Variants in CRPPA observed in about 807,000 individuals in gnomAD.
CRPPA encodes the protein CDP-L-ribitol pyrophosphorylase A, also known as D-ribitol-5-phosphate cytidylyltransferase.
In CRPPA, 43 loss-of-function variants were observed where a neutral mutation model predicts 52.0. The observed-to-expected ratio is 0.83, with a 90% CI of 0.65 to 1.07. CRPPA has a LOEUF of 1.07. Among genes scored for constraint, CRPPA ranks in the 50% least tolerant of loss-of-function variants. CRPPA has a pLI of 0.00. For synonymous variants in CRPPA, 250 were observed against 203.5 expected, an observed-to-expected ratio of 1.23 and a Z score of -1.94; for missense variants, 629 against 551.7, an observed-to-expected ratio of 1.14 and a Z score of -1.40.
chr7:16,106,509 C>A (rs953467539), intron 9 of CRPPA, among the ~76,000 whole-genome samples: 2 of 152,160 alleles, frequency 1.3e-5, no homozygotes, highest in Non-Finnish European at 2.9e-5. Flanking sequence ...CAACCAGTAG[C>A]CCCACCTGAC....
chr7:16,383,180 T>C (rs963416355), intron 2 of CRPPA, among the ~76,000 whole-genome samples: 2 of 152,326 alleles, frequency 1.3e-5, no homozygotes, highest in East Asian at 3.9e-4. Context: ...GGTGTGGATG[T>C]CCTTTCTGTT....
rs375893906 is a variant in CRPPA, at chr7:16,145,475, A to T, written c.1252-53676T>A. 9.2e-5 allele frequency among the ~76,000 whole-genome samples: 14 copies of T among 152,376 alleles called. No individual in the cohort carries two copies. In the East Asian group the frequency reaches 2.7e-3, roughly 29 times the overall value. On this transcript the variant is annotated intron_variant, in intron 9 of 9. Coordinates refer to ENST00000407010, the MANE Select transcript of CRPPA (RefSeq NM_001101426.4). ...CATCGAAAGAAATTAATAAACCCTC[A>T]GTAACCAATGATAACAAAATGAAAA...
chr7:16,254,103 G>C (rs2128410758), intron 8 of CRPPA, among the ~76,000 whole-genome samples: 1 of 152,300 alleles, frequency 6.6e-6, no homozygotes, highest in East Asian at 1.9e-4. Context: ...TGCCGGAGAG[G>C]ATGTGGAGAA....
intron 1 of CRPPA, among the ~76,000 whole-genome samples, chr7:16,419,083 G>T (rs916306291): frequency 1.3e-5 from 2 of 152,170 alleles, no homozygotes; most frequent in African/African-American, 4.8e-5. Context: ...TCATGAAATG[G>T]TTTCAGGGAC....
At chr7:16,236,950 G>GCACACACACACA (rs67679435) in intron 8 of CRPPA, among the ~76,000 whole-genome samples, 1 of 149,584 alleles carries the variant, frequency 6.7e-6, no homozygotes, top group Non-Finnish European at 1.5e-5. Flanking sequence ...TCGTGCGCGC[G>GCACACACACACA]CACACACACA....
chr7:16,326,964 A>C (rs184907229), intron 3 of CRPPA, among the ~76,000 whole-genome samples: 236 of 152,304 alleles, frequency 1.5e-3, no homozygotes, highest in African/African-American at 5.0e-3. Flanking sequence ...GATGCAATGT[A>C]TAAGAAAAAA....
intron 9 of CRPPA, among the ~76,000 whole-genome samples, chr7:16,118,109 C>T (rs1305127918): frequency 1.3e-5 from 2 of 152,298 alleles, no homozygotes; most frequent in Middle Eastern, 3.4e-3. Context: ...TGTATCCATT[C>T]ATTAAGTACT....
At chr7:16,273,437 G>C (rs1203424110) in intron 6 of CRPPA, among the ~76,000 whole-genome samples, 1 of 152,020 alleles carries the variant, frequency 6.6e-6, no homozygotes, top group Non-Finnish European at 1.5e-5. Context: ...TGACTTCAGA[G>C]GGACAGCTTG....
intron 1 of CRPPA, among the ~76,000 whole-genome samples, chr7:16,415,102 C>T (rs1272496175): frequency 6.6e-6 from 1 of 152,184 alleles, no homozygotes. Context: ...TTCAGAGGTA[C>T]TTTTGAATCT....
At chr7:16,391,467 A>G (rs922593388) in intron 2 of CRPPA, among the ~76,000 whole-genome samples, 2 of 152,138 alleles carry the variant, frequency 1.3e-5, no homozygotes, top group African/African-American at 4.8e-5. Context: ...CCTATTCTTC[A>G]CAAAGCAATA....
intron 9 of CRPPA, among the ~76,000 whole-genome samples, chr7:16,201,645 T>G (rs1349277252): frequency 6.6e-6 from 1 of 152,098 alleles, no homozygotes; most frequent in Admixed American, 6.6e-5. Context: ...ACCTGGAACT[T>G]GCCGAACCGT....
intron 1 of CRPPA, among the ~76,000 whole-genome samples, chr7:16,409,826 A>C (rs1040277241): frequency 5.9e-5 from 9 of 152,248 alleles, no homozygotes; most frequent in African/African-American, 1.9e-4. Flanking sequence ...TCAAGATAAT[A>C]CAACATTTCA....
intron 9 of CRPPA, among the ~76,000 whole-genome samples, chr7:16,093,151 AT>A (rs1294836605): frequency 2.0e-5 from 3 of 152,140 alleles, no homozygotes; most frequent in Non-Finnish European, 2.9e-5. Context: ...CAGATGATGC[AT>A]TTTTTGATGT....
At chr7:16,107,439 G>C (rs57213749) in intron 9 of CRPPA, among the ~76,000 whole-genome samples, 6,209 of 152,058 alleles carry the variant, frequency 0.041, 353 homozygotes, top group East Asian at 0.3. Flanking sequence ...CAGAAACCTT[G>C]TATGCCAGGA....
At chr7:16,339,957 A>G (rs949282054) in intron 3 of CRPPA, among the ~76,000 whole-genome samples, 4 of 152,154 alleles carry the variant, frequency 2.6e-5, no homozygotes, top group Non-Finnish European at 5.9e-5. Context: ...ATAGACCCAT[A>G]TGAATACAGT....
chr7:16,124,007 A>T (rs1234929770), intron 9 of CRPPA, among the ~76,000 whole-genome samples: 1 of 152,200 alleles, frequency 6.6e-6, no homozygotes, highest in African/African-American at 2.4e-5. Context: ...GAGCTGCAAT[A>T]AACATGGAAG....
intron 2 of CRPPA, among the ~76,000 whole-genome samples, chr7:16,385,438 A>G (rs1377424563): frequency 6.6e-6 from 1 of 152,246 alleles, no homozygotes; most frequent in Non-Finnish European, 1.5e-5. Flanking sequence ...GAACATCAAT[A>G]TTAACAAGTG....
intron 8 of CRPPA, among the ~76,000 whole-genome samples, chr7:16,245,005 T>C (rs1176279880): frequency 1.3e-5 from 2 of 152,076 alleles, no homozygotes; most frequent in East Asian, 3.9e-4. Flanking sequence ...CTTTTGACCA[T>C]TCTTTTCAAA....
intron 3 of CRPPA, among the ~76,000 whole-genome samples, chr7:16,325,691 C>T (rs1038689337): frequency 1.3e-5 from 2 of 152,096 alleles, no homozygotes; most frequent in East Asian, 1.9e-4. Flanking sequence ...TTTAGATATT[C>T]CATTCACAGG....
Sources: gnomAD v4.1 joint callset for allele counts (sites outside exome capture counted in the v4.1 genomes callset) on GRCh38, gnomAD v4.1.1 for gene constraint, MANE v1.5 for transcripts, NCBI Gene and HGNC (gene_info 2026-07-23, HGNC 2026-07-21) for gene names.